Variants in DDAH1 observed in about 807,000 individuals in gnomAD.
DDAH1 encodes N(G),N(G)-dimethylarginine dimethylaminohydrolase 1.
DDAH1 carries 19 observed loss-of-function variants against 28.8 expected under a neutral mutation model. The ratio of observed to expected loss-of-function variants is 0.66; its 90% CI spans 0.46 to 0.97. DDAH1 has a LOEUF of 0.97. Ranked by LOEUF, DDAH1 falls within the 50% of genes least tolerant of loss-of-function variation. DDAH1 has a pLI of 0.00. For synonymous variants in DDAH1, 153 were observed against 154.4 expected, an observed-to-expected ratio of 0.99 and a Z score of 0.07; for missense variants, 326 against 375.9, an observed-to-expected ratio of 0.87 and a Z score of 1.10.
chr1:85,557,869 G>A (rs776527765), intron 1 of DDAH1, among the ~76,000 whole-genome samples: 24 of 151,696 alleles, frequency 1.6e-4, no homozygotes, highest in Admixed American at 4.6e-4. Context: ...GCCAAGAAGA[G>A]AGGCCTCAGA....
At chr1:85,466,162 T>C (rs1351781086), upstream of DDAH1, among the ~76,000 whole-genome samples, 1 of 152,260 alleles carries the variant, frequency 6.6e-6, no homozygotes, top group African/African-American at 2.4e-5. Flanking sequence ...AGATGTGATC[T>C]GCCTTCTCTC....
chr1:85,568,160 C>A (rs1659358638), intron 1 of DDAH1, among the ~76,000 whole-genome samples: 1 of 152,146 alleles, frequency 6.6e-6, no homozygotes, highest in Non-Finnish European at 1.5e-5. Flanking sequence ...ATGTGGGATG[C>A]AGCTGAAGCA....
At chr1:85,447,915 A>G (rs1411909777) in intron 1 of DDAH1, 1 of 152,222 alleles carries the variant, frequency 6.6e-6, no homozygotes, top group Non-Finnish European at 1.5e-5. Context: ...CCTTATTTTA[A>G]TTAACCCAAG....
chr1:85,466,437 CAG>C (rs1655382017), upstream of DDAH1, among the ~76,000 whole-genome samples: 2 of 152,090 alleles, frequency 1.3e-5, no homozygotes, highest in Non-Finnish European at 2.9e-5. Flanking sequence ...TTAGCAGAGA[CAG>C]GGTTTCACCA....
intron 4 of DDAH1, 148 bp downstream of exon 4, chr1:85,350,267 G>T: frequency 4.0e-6 from 4 of 998,448 alleles, no homozygotes; most frequent in Non-Finnish European, 5.8e-6. Flanking sequence ...TGAATGTGAG[G>T]TCACAACAGT....
chr1:85,335,905 T>A (rs1203475712), intron 4 of DDAH1, among the ~76,000 whole-genome samples: 1 of 151,970 alleles, frequency 6.6e-6, no homozygotes, highest in Non-Finnish European at 1.5e-5. Flanking sequence ...GAGGTTGCAG[T>A]GCACCAAGAT....
chr1:85,351,073 T>C (rs1374745941), intron 3 of DDAH1, among the ~76,000 whole-genome samples: 1 of 152,052 alleles, frequency 6.6e-6, no homozygotes, highest in Non-Finnish European at 1.5e-5. Flanking sequence ...TTTTTTTTTT[T>C]TTTTTAGAAA....
chr1:85,363,393 C>T (rs1424242701), intron 1 of DDAH1, among the ~76,000 whole-genome samples: 1 of 152,144 alleles, frequency 6.6e-6, no homozygotes, highest in African/African-American at 2.4e-5. Context: ...TCACCAATGT[C>T]ACCACTATGT....
At position 85,465,027 on chromosome 1, in the gene DDAH1, G is replaced by T. The variant is rs1412384010; in HGVS notation, c.19C>A (p.Pro7Thr). The T allele has an allele frequency of 7.5e-7, 1 of 1,326,294 alleles. No individual in the cohort carries two copies. Among genetic ancestry groups the T allele is most frequent in the Non-Finnish European group, 9.6e-7 (1 of 1,041,396 alleles). The allele number at this position is 1,326,294 out of a possible 1,614,324, so 82.2% of individuals were successfully genotyped here. MAGLGH[P>T]AAFGRATHAV... ...TGGGTGGCCCGGCCGAAGGCGGCGGGGTGGCCGAGCCCGGCCATGGCTTCG... is the reference window on the plus strand; with the variant it reads ...TGGGTGGCCCGGCCGAAGGCGGCGGTGTGGCCGAGCCCGGCCATGGCTTCG... Residue 7 changes from proline to threonine, a missense_variant, in exon 1 of 6, where the codon CCC becomes ACC. Transcript: ENST00000284031.
intron 1 of DDAH1, among the ~76,000 whole-genome samples, chr1:85,563,699 T>C (rs1659204224): frequency 6.6e-6 from 1 of 151,952 alleles, no homozygotes; most frequent in Non-Finnish European, 1.5e-5. Context: ...AGGAGAAAAA[T>C]TAATCAATGT....
At chr1:85,538,267 T>C (rs1180291156) in intron 1 of DDAH1, among the ~76,000 whole-genome samples, 4 of 152,192 alleles carry the variant, frequency 2.6e-5, no homozygotes, top group Non-Finnish European at 5.9e-5. Flanking sequence ...CCCTGAATGG[T>C]ATGGTATGGA....
intron 2 of DDAH1, among the ~76,000 whole-genome samples, chr1:85,472,043 C>T (rs1201585964): frequency 2.6e-5 from 4 of 152,196 alleles, no homozygotes; most frequent in Admixed American, 6.5e-5. Context: ...TTCCCCAGGG[C>T]GGGTCATAGA....
chr1:85,511,824 C>A (rs545469458), intron 1 of DDAH1, among the ~76,000 whole-genome samples: 2 of 152,134 alleles, frequency 1.3e-5, no homozygotes, highest in African/African-American at 2.4e-5. Flanking sequence ...CTGAATAGAC[C>A]AATAACAGGT....
At chr1:85,485,572 G>A (rs184254664) in intron 2 of DDAH1, among the ~76,000 whole-genome samples, 10 of 152,198 alleles carry the variant, frequency 6.6e-5, no homozygotes, top group African/African-American at 1.9e-4. Context: ...TTGGATTTAC[G>A]TTTTGCCTTC....
intron 2 of DDAH1, among the ~76,000 whole-genome samples, chr1:85,472,257 C>A (rs1174238623): frequency 6.6e-6 from 1 of 152,180 alleles, no homozygotes; most frequent in Non-Finnish European, 1.5e-5. Context: ...GAAGGAGAAT[C>A]TAGGCAGACA....
intron 1 of DDAH1, among the ~76,000 whole-genome samples, chr1:85,371,743 A>G (rs533340028): frequency 3.9e-5 from 6 of 152,350 alleles, no homozygotes; most frequent in African/African-American, 1.4e-4. Context: ...ATTAAAACAC[A>G]TTCATATTCA....
intron 1 of DDAH1, among the ~76,000 whole-genome samples, chr1:85,389,342 A>T (rs2100550860): frequency 6.6e-6 from 1 of 152,362 alleles, no homozygotes; most frequent in East Asian, 1.9e-4. Flanking sequence ...AGCTCTTAGC[A>T]TGGTGACCTA....
chr1:85,360,405 A>G (rs1296272287), intron 1 of DDAH1, among the ~76,000 whole-genome samples: 1 of 152,190 alleles, frequency 6.6e-6, no homozygotes, highest in Non-Finnish European at 1.5e-5. Context: ...TAGGAAGTGG[A>G]ATTGTTGCTA....
chr1:85,325,929 A>G (rs1338025022), intron 4 of DDAH1, among the ~76,000 whole-genome samples: 1 of 152,210 alleles, frequency 6.6e-6, no homozygotes, highest in Non-Finnish European at 1.5e-5. Flanking sequence ...AAGGTATAAC[A>G]TGATCTTTTC....
Sources: gnomAD v4.1 joint callset for allele counts (sites outside exome capture counted in the v4.1 genomes callset) on GRCh38, gnomAD v4.1.1 for gene constraint, MANE v1.5 for transcripts, NCBI Gene and HGNC (gene_info 2026-07-23, HGNC 2026-07-21) for gene names.